Variants in FAM227A observed in about 807,000 individuals in gnomAD.
The protein encoded by FAM227A is family with sequence similarity 227 member A, also known as protein FAM227A.
In FAM227A, 80 loss-of-function variants were observed where a neutral mutation model predicts 74.7. That is an observed-to-expected ratio of 1.07 (90% CI 0.89 to 1.29). FAM227A has a LOEUF of 1.29. Among genes scored for constraint, FAM227A ranks in the 50% most tolerant of loss-of-function variants. The probability of loss-of-function intolerance (pLI) is 0.00; values close to 1 mark genes in which losing one functional copy is unlikely to be tolerated. For synonymous variants in FAM227A, 237 were observed against 241.8 expected (o/e 0.98, Z 0.19); for missense variants, 654 against 683.4 (o/e 0.96, Z 0.48).
chr22:38,626,069 G>C (rs2091792890), intron 9 of FAM227A, 111 bp downstream of exon 9: 2 of 1,104,060 alleles, frequency 1.8e-6, no homozygotes, highest in Admixed American at 4.8e-5. Context: ...GGAGAGAAAA[G>C]AGAGAATGCC....
chr22:38,645,750 CTTAA>C (rs2092224632), intron 2 of FAM227A, 105 bp from the exon 3 acceptor site: 2 of 659,804 alleles, frequency 3.0e-6, no homozygotes, highest in African/African-American at 1.9e-5. Flanking sequence ...AGCCTCTCTC[CTTAA>C]TTATTTTCTT....
intron 15 of FAM227A, among the ~76,000 whole-genome samples, chr22:38,596,451 A>G (rs1182042502): frequency 3.3e-5 from 5 of 152,174 alleles, no homozygotes; most frequent in African/African-American, 1.2e-4. Context: ...GAGGCTAAGG[A>G]AGGAGGATCA....
At chr22:38,627,666 G>A (rs1019422215) in intron 8 of FAM227A, among the ~76,000 whole-genome samples, 8 of 151,952 alleles carry the variant, frequency 5.3e-5, no homozygotes, top group Non-Finnish European at 1.0e-4. Flanking sequence ...GTGCAATGCT[G>A]CAATCTCGGT....
chr22:38,587,534 A>T (rs1330957230), intron 16 of FAM227A, among the ~76,000 whole-genome samples: 2 of 152,058 alleles, frequency 1.3e-5, no homozygotes, highest in African/African-American at 4.8e-5. Context: ...AGAAAAAAAT[A>T]AAAATTCTGC....
At chr22:38,638,522 TA>T (rs945026561) in intron 5 of FAM227A, among the ~76,000 whole-genome samples, 8 of 152,192 alleles carry the variant, frequency 5.3e-5, no homozygotes, top group African/African-American at 1.9e-4. Context: ...TTCTAAGTTC[TA>T]AAAATAAACA....
intron 3 of FAM227A, among the ~76,000 whole-genome samples, 164 bp downstream of exon 3, chr22:38,645,399 T>A (rs1362927093): frequency 2.0e-5 from 3 of 152,058 alleles, no homozygotes; most frequent in East Asian, 1.9e-4. Flanking sequence ...CAAAAAAAAA[T>A]AAAAAATGTT....
intron 5 of FAM227A, among the ~76,000 whole-genome samples, chr22:38,637,052 A>G (rs895108803): frequency 2.1e-4 from 32 of 152,126 alleles, no homozygotes; most frequent in African/African-American, 6.8e-4. Flanking sequence ...TGCTATCTAC[A>G]TTATTTCTGT....
chr22:38,603,539 CTCA>C (rs1015190099), intron 13 of FAM227A, among the ~76,000 whole-genome samples: 3 of 152,026 alleles, frequency 2.0e-5, no homozygotes, highest in Non-Finnish European at 4.4e-5. Flanking sequence ...CACCCCTCTC[CTCA>C]TCTCTTTAAA....
rs2092390014 is a variant in FAM227A, at chr22:38,656,177, G to GGGGACCCCGCAAAGTTCTGGGT, written c.-174_-153dup. On this transcript the variant is annotated 5_prime_UTR_variant, in exon 1 of 17. It introduces an in-frame stop codon into an upstream open reading frame of the 5' UTR. Transcript: ENST00000535113. ...GGCCGGTCCCGCCACGGGTCCCTCAGGGGACCCCGCAAAGTTCTGGGTCGG... is the reference window on the plus strand; with the variant it reads ...GGCCGGTCCCGCCACGGGTCCCTCAGGGGACCCCGCAAAGTTCTGGGTGGGACCCCGCAAAGTTCTGGGTCGG... 6.6e-6 allele frequency: 1 copy of GGGGACCCCGCAAAGTTCTGGGT among 152,270 alleles called. No homozygotes were observed. The highest frequency in any genetic ancestry group is 2.4e-5 in the African/African-American group (1 of 41,472). 9.4% of individuals were successfully genotyped at this position (152,270 alleles called of 1,614,324 possible).
In FAM227A at chr22:38,580,222, C is replaced by T. The variant is rs1200499261; in HGVS notation, c.*5903G>A. 6.6e-6 allele frequency: 1 copy of T among 152,188 alleles called. No homozygotes were observed. Among genetic ancestry groups the T allele is most frequent in the East Asian group, 1.9e-4 (1 of 5,194 alleles). 9.4% of individuals were successfully genotyped at this position (152,188 alleles called of 1,614,324 possible). On this transcript the variant is annotated 3_prime_UTR_variant, in exon 17 of 17. Transcript: ENST00000535113. ...GGCATGGGCCACCATGCTCGGCAACCGATGTCCTCTTTTAAGTCTCTTTTA... is the reference window on the plus strand; with the variant it reads ...GGCATGGGCCACCATGCTCGGCAACTGATGTCCTCTTTTAAGTCTCTTTTA...
At chr22:38,603,305 C>T (rs1472140601) in intron 13 of FAM227A, among the ~76,000 whole-genome samples, 22 of 151,998 alleles carry the variant, frequency 1.4e-4, no homozygotes, top group Non-Finnish European at 1.9e-4. Flanking sequence ...CTGACCAACA[C>T]GGCAAAACCC....
chr22:38,638,611 T>G (rs1016043934), intron 5 of FAM227A, 135 bp downstream of exon 5: 5 of 689,758 alleles, frequency 7.2e-6, no homozygotes, highest in Admixed American at 7.1e-5. Flanking sequence ...TGAGAAATTC[T>G]AGATTCAGGA....
chr22:38,629,031 A>G (rs2091865257), intron 6 of FAM227A, 96 bp from the exon 7 acceptor site: 2 of 729,060 alleles, frequency 2.7e-6, no homozygotes, highest in East Asian at 2.8e-5. Flanking sequence ...AAAACCACCT[A>G]ATCTGTTAGT....
chr22:38,595,970 AGGG>A (rs5845387), intron 15 of FAM227A, among the ~76,000 whole-genome samples: 7 of 144,736 alleles, frequency 4.8e-5, no homozygotes, highest in Admixed American at 6.9e-5. Flanking sequence ...ACAACTAATA[AGGG>A]GGGGGGGGCA....
At chr22:38,622,873 CAAAAAAAAAAAAA>C (rs138871600) in intron 10 of FAM227A, among the ~76,000 whole-genome samples, 1 of 45,134 alleles carries the variant, frequency 2.2e-5, no homozygotes, top group Non-Finnish European at 4.2e-5. Flanking sequence ...AAGACTGTCT[CAAAAAAAAAAAAA>C]AAAAAAAAAA....
intron 11 of FAM227A, among the ~76,000 whole-genome samples, chr22:38,614,608 G>C (rs1266956902): frequency 6.6e-6 from 1 of 152,164 alleles, no homozygotes; most frequent in African/African-American, 2.4e-5. Flanking sequence ...CTTGATGAGA[G>C]AGGCTCTATC....
intron 4 of FAM227A, 53 bp downstream of exon 4, chr22:38,639,602 T>C: frequency 1.3e-6 from 2 of 1,524,204 alleles, no homozygotes; most frequent in East Asian, 2.5e-5. Flanking sequence ...TTTTAGATAC[T>C]AAAAAAACAA....
intron 11 of FAM227A, among the ~76,000 whole-genome samples, chr22:38,613,482 T>C (rs1343823377): frequency 2.3e-5 from 3 of 129,460 alleles, no homozygotes; most frequent in African/African-American, 9.5e-5. Flanking sequence ...AGGGATGTCC[T>C]TGGACCCTGA....
rs2090713886 is a variant in FAM227A, at chr22:38,582,039, G to A, written c.*4086C>T. On this transcript the variant is annotated 3_prime_UTR_variant, in exon 17 of 17. Transcript: ENST00000535113. Reference sequence around the variant, plus strand: ...ATTACAGGTGTGAGCCACCATGCCTGGCCTGTTCGTTTTTTAACAAAGCTT... The same window carrying A: ...ATTACAGGTGTGAGCCACCATGCCTAGCCTGTTCGTTTTTTAACAAAGCTT... 3 of 278,786 alleles carry A rather than the reference G, an allele frequency of 1.1e-5. No homozygotes were observed. Among genetic ancestry groups the A allele is most frequent in the African/African-American group, 2.2e-5 (1 of 44,890 alleles). 17.3% of individuals were successfully genotyped at this position (278,786 alleles called of 1,614,324 possible).
Sources: allele counts gnomAD v4.1 joint callset (sites outside exome capture counted in the v4.1 genomes callset), GRCh38; gene constraint gnomAD v4.1.1; transcripts MANE v1.5; gene names NCBI Gene and HGNC (gene_info 2026-07-23, HGNC 2026-07-21).